ANKRD6: variants seen among roughly 807,000 people sequenced by gnomAD.
The protein encoded by ANKRD6 is ankyrin repeat domain 6, also known as ankyrin repeat domain-containing protein 6.
ANKRD6 carries 56 observed loss-of-function variants against 82.3 expected under a neutral mutation model. The observed-to-expected ratio is 0.68, with a 90% CI of 0.55 to 0.85. ANKRD6 has a LOEUF of 0.85. Among genes scored for constraint, ANKRD6 ranks in the 40% least tolerant of loss-of-function variants. The pLI, the probability that ANKRD6 is intolerant of heterozygous loss-of-function variation, is 0.00. For synonymous variants in ANKRD6, 347 were observed against 352.1 expected (o/e 0.99, Z 0.16); for missense variants, 852 against 907.6 (o/e 0.94, Z 0.79).
At chr6:89,506,315 A>C (rs1779848591) in intron 1 of ANKRD6, among the ~76,000 whole-genome samples, 1 of 152,040 alleles carries the variant, frequency 6.6e-6, no homozygotes, top group Admixed American at 6.6e-5. Context: ...AATTTATACA[A>C]TTTTATTTAT....
In ANKRD6 at chr6:89,618,166, A is replaced by G. The variant is rs746228211; in HGVS notation, c.792+135A>G. The G allele has an allele frequency of 7.3e-6, 7 of 953,272 alleles. No homozygotes were observed. The South Asian group carries it at 9.1e-5, about 12-fold the overall frequency. 59.1% of individuals were successfully genotyped at this position (953,272 alleles called of 1,614,324 possible). Reference sequence around the variant, plus strand: ...GTAACCAGGCAGTGGAGGTATAGGCATGCATGGGGGCCCAGGATGACGGGA... The same window carrying G: ...GTAACCAGGCAGTGGAGGTATAGGCGTGCATGGGGGCCCAGGATGACGGGA... On this transcript the variant is annotated intron_variant, in intron 9 of 15. Transcript: ENST00000339746.
chr6:89,494,976 T>A (rs887698525), intron 1 of ANKRD6, among the ~76,000 whole-genome samples: 2 of 152,194 alleles, frequency 1.3e-5, no homozygotes, highest in African/African-American at 4.8e-5. Context: ...GGCTCACGCC[T>A]GTAATCCCAG....
chr6:89,590,145 A>G (rs1162864269), intron 2 of ANKRD6, among the ~76,000 whole-genome samples: 2 of 152,270 alleles, frequency 1.3e-5, no homozygotes, highest in South Asian at 2.1e-4. Flanking sequence ...CATTGCTTAT[A>G]TACTCTGAAG....
At chr6:89,570,471 A>G (rs1789595130) in intron 2 of ANKRD6, among the ~76,000 whole-genome samples, 1 of 152,168 alleles carries the variant, frequency 6.6e-6, no homozygotes. Flanking sequence ...CATTCACATT[A>G]TTGTGCAACC....
chr6:89,523,096 T>G (rs1375374325), intron 1 of ANKRD6, among the ~76,000 whole-genome samples: 3 of 152,242 alleles, frequency 2.0e-5, no homozygotes, highest in Admixed American at 2.0e-4. Flanking sequence ...GTTTGTTTTA[T>G]TCTCACTTAA....
chr6:89,466,041 A>G (rs562046765), intron 1 of ANKRD6, among the ~76,000 whole-genome samples: 10 of 152,294 alleles, frequency 6.6e-5, no homozygotes, highest in Non-Finnish European at 1.3e-4. Flanking sequence ...CTTTCTACCC[A>G]TAGGTAACCA....
intron 1 of ANKRD6, among the ~76,000 whole-genome samples, chr6:89,544,182 ACCT>A (rs1195499584): frequency 2.0e-5 from 3 of 151,878 alleles, no homozygotes; most frequent in African/African-American, 7.3e-5. Context: ...GAGCCTTTTG[ACCT>A]CCTCAATATT....
intron 2 of ANKRD6, among the ~76,000 whole-genome samples, chr6:89,589,884 G>A (rs1794536288): frequency 1.3e-5 from 2 of 152,164 alleles, no homozygotes; most frequent in Non-Finnish European, 2.9e-5. Flanking sequence ...CTTCCTGATT[G>A]GATCAGAGGG....
intron 1 of ANKRD6, among the ~76,000 whole-genome samples, chr6:89,540,777 T>A (rs994307854): frequency 6.6e-6 from 1 of 152,222 alleles, no homozygotes; most frequent in African/African-American, 2.4e-5. Context: ...ATTTAAGTCT[T>A]TAATCCATTT....
intron 9 of ANKRD6, among the ~76,000 whole-genome samples, chr6:89,620,847 T>C (rs1332470306): frequency 6.6e-6 from 1 of 152,066 alleles, no homozygotes; most frequent in Non-Finnish European, 1.5e-5. Flanking sequence ...GGGCAGATCA[T>C]GAGGTCAGGA....
rs1411304201 is a variant in ANKRD6 at position 89,633,370 on chromosome 6, T to C, written c.*2366T>C. ...GCATTGTCAAAAACTTAACTGCAGG[T>C]CCAGTGTATATTTTTCCTTATTTTT... On this transcript the variant is annotated 3_prime_UTR_variant, in exon 16 of 16. Transcript: ENST00000339746. 2 of 152,212 alleles carry C rather than the reference T, an allele frequency of 1.3e-5. No individual in the cohort carries two copies. Among genetic ancestry groups the C allele is most frequent in the African/African-American group, 2.4e-5 (1 of 41,460 alleles). The allele number at this position is 152,212 out of a possible 1,614,324, so 9.4% of individuals were successfully genotyped here. A position where few individuals can be genotyped will look rare whatever the true frequency, so the allele number is the denominator to read the frequency against.
intron 2 of ANKRD6, among the ~76,000 whole-genome samples, chr6:89,584,774 G>T (rs1430236722): frequency 6.6e-6 from 1 of 152,150 alleles, no homozygotes; most frequent in Non-Finnish European, 1.5e-5. Flanking sequence ...CCACGTATTC[G>T]GTGGCTTAAA....
At chr6:89,598,220 C>T (rs1423388878) in intron 3 of ANKRD6, 1 of 985,280 alleles carries the variant, frequency 1.0e-6, no homozygotes, top group Non-Finnish European at 1.2e-6. Context: ...ACTCCAGGAG[C>T]AAATTCTTTC....
At chr6:89,557,374 G>A (rs1340464524) in intron 1 of ANKRD6, among the ~76,000 whole-genome samples, 3 of 152,058 alleles carry the variant, frequency 2.0e-5, no homozygotes, top group Admixed American at 6.6e-5. Context: ...AACATTTAAG[G>A]TGTCAGTGAA....
chr6:89,527,270 G>T (rs1782602433), intron 1 of ANKRD6, among the ~76,000 whole-genome samples: 1 of 152,078 alleles, frequency 6.6e-6, no homozygotes, highest in Admixed American at 6.6e-5. Context: ...AAAGGATTAT[G>T]TCTAAAAGGA....
At chr6:89,552,558 G>C (rs955141686) in intron 1 of ANKRD6, among the ~76,000 whole-genome samples, 1 of 152,214 alleles carries the variant, frequency 6.6e-6, no homozygotes, top group African/African-American at 2.4e-5. Context: ...AAGAGACAGA[G>C]GAAGGAGTAG....
chr6:89,600,414 C>T (rs939938804), intron 3 of ANKRD6, among the ~76,000 whole-genome samples: 2 of 152,182 alleles, frequency 1.3e-5, no homozygotes, highest in Non-Finnish European at 2.9e-5. Context: ...TAACACGACC[C>T]ATATGCTCAG....
chr6:89,585,990 T>C (rs1793603443), intron 2 of ANKRD6, among the ~76,000 whole-genome samples: 1 of 152,208 alleles, frequency 6.6e-6, no homozygotes, highest in Non-Finnish European at 1.5e-5. Flanking sequence ...GTTTAAATTA[T>C]TGTAAAGCAC....
At chr6:89,533,756 G>A (rs1387750064) in intron 1 of ANKRD6, among the ~76,000 whole-genome samples, 3 of 151,834 alleles carry the variant, frequency 2.0e-5, no homozygotes, top group Non-Finnish European at 4.4e-5. Flanking sequence ...GTGTGTGTGT[G>A]TGTGTGTGTG....
Sources: allele counts gnomAD v4.1 joint callset (sites outside exome capture counted in the v4.1 genomes callset), GRCh38; gene constraint gnomAD v4.1.1; transcripts MANE v1.5; gene names NCBI Gene and HGNC (gene_info 2026-07-23, HGNC 2026-07-21).